The following PAX3 variants were observed in gnomAD, a reference collection of about 807,000 sequenced individuals.
PAX3 encodes paired box protein Pax-3.
Under a neutral mutation model 51.6 loss-of-function variants are expected in PAX3, and 14 were observed. The observed-to-expected ratio is 0.27, with a 90% CI of 0.18 to 0.42. The LOEUF is 0.42. PAX3 is among the 10% of genes least tolerant of loss of function. The probability of loss-of-function intolerance (pLI) is 1.00; values close to 1 mark genes in which losing one functional copy is unlikely to be tolerated. For synonymous variants in PAX3, 280 were observed against 253.4 expected (o/e 1.11, Z -1.00); for missense variants, 540 against 642.8 (o/e 0.84, Z 1.73).
chr2:222,201,447 A>G lies in PAX3; in HGVS notation c.1421-5T>C, dbSNP rs769652310. Reference sequence around the variant, plus strand: ...GCTTGAGATAATGAAAGGCACCTGTAAGGAAACACACGCAGCTTTTTAGGT... The same window carrying G: ...GCTTGAGATAATGAAAGGCACCTGTGAGGAAACACACGCAGCTTTTTAGGT... On this transcript the variant is annotated splice_polypyrimidine_tract_variant and splice_region_variant and intron_variant, in intron 8 of 8. Transcript: ENST00000392070. 1.9e-5 allele frequency: 31 copies of G among 1,614,118 alleles called. No homozygotes were observed. The South Asian group carries it at 2.9e-4, about 15-fold the overall frequency.
chr2:222,276,296 A>C (rs756717564), intron 4 of PAX3, among the ~76,000 whole-genome samples: 1 of 152,232 alleles, frequency 6.6e-6, no homozygotes, highest in Non-Finnish European at 1.5e-5. Context: ...GCGTGGAAGA[A>C]GAGCCGGTGT....
intron 4 of PAX3, among the ~76,000 whole-genome samples, chr2:222,254,009 C>T (rs1430233829): frequency 6.6e-6 from 1 of 152,172 alleles, no homozygotes; most frequent in East Asian, 1.9e-4. Flanking sequence ...TCACCAAATA[C>T]TTACGCAGTG....
At chr2:222,279,400 G>A (rs1039958239) in intron 4 of PAX3, among the ~76,000 whole-genome samples, 6 of 152,040 alleles carry the variant, frequency 3.9e-5, no homozygotes, top group Non-Finnish European at 5.9e-5. Context: ...AAAGGAGAGG[G>A]AACAGCACCC....
Position 222,298,487 on chromosome 2 carries a change from C to T in PAX3, c.85+44G>A, listed in dbSNP as rs750227123. The stretch of plus-strand genomic sequence containing the variant: ...CTGGGGATGGGGTGAGGCAGCCGGT[C>T]CCAGGCCCTGGGATCCAGGCGGCGC... On this transcript the variant is annotated intron_variant, in intron 1 of 8. Coordinates refer to ENST00000392070, the MANE Select transcript of PAX3 (RefSeq NM_181458.4). The T allele has an allele frequency of 1.4e-5, 22 of 1,519,974 alleles. No homozygotes were observed. The Admixed American group carries it at 4.0e-4, about 27-fold the overall frequency. The allele number at this position is 1,519,974 out of a possible 1,614,324, so 94.2% of individuals were successfully genotyped here.
intron 4 of PAX3, among the ~76,000 whole-genome samples, chr2:222,290,191 C>T (rs986194361): frequency 2.0e-5 from 3 of 152,164 alleles, no homozygotes; most frequent in African/African-American, 2.4e-5. Context: ...AAATAAAATA[C>T]TCCAAATACC....
chr2:222,256,938 C>T (rs2106136448), intron 4 of PAX3, among the ~76,000 whole-genome samples: 1 of 152,272 alleles, frequency 6.6e-6, no homozygotes, highest in Non-Finnish European at 1.5e-5. Context: ...GGACCCTGTA[C>T]TTGTGAGATA....
chr2:222,293,970 C>A, intron 4 of PAX3, 197 bp downstream of exon 4: 1 of 1,525,194 alleles, frequency 6.6e-7, no homozygotes, highest in South Asian at 1.3e-5. Flanking sequence ...AAAAACTAAG[C>A]AGAATAGAAA....
chr2:222,202,086 C>T lies in PAX3; in HGVS notation c.1278G>A (p.Ser426=). The part of the protein sequence containing the change: ...TGGLEPTTTV[S]ASCSQRLDHM... The stretch of plus-strand genomic sequence containing the variant: ...GGTCTAGTCTCTGACTGCAGCTGGC[C>T]GACACCGTGGTGGTAGGTTCCAGAC... The change falls in exon 8 of 9, where the codon TCG becomes TCA. Residue 426 remains serine, a synonymous_variant. Transcript: ENST00000392070. 4 of 1,613,912 alleles carry T rather than the reference C, an allele frequency of 2.5e-6. No homozygotes were observed. The highest frequency in any genetic ancestry group is 2.7e-5 in the African/African-American group (2 of 74,994).
intron 4 of PAX3, chr2:222,264,277 G>A (rs1559295366): frequency 1.3e-5 from 2 of 152,238 alleles, no homozygotes; most frequent in Non-Finnish European, 2.9e-5. Flanking sequence ...AATGCTAAGT[G>A]AAAGAAGCCA....
intron 4 of PAX3, among the ~76,000 whole-genome samples, chr2:222,266,631 ACTT>A (rs1358123067): frequency 6.6e-6 from 1 of 152,050 alleles, no homozygotes; most frequent in Non-Finnish European, 1.5e-5. Flanking sequence ...ATCTCTCTAA[ACTT>A]CTGCTTCCTT....
At chr2:222,260,227 T>C (rs988513431) in intron 4 of PAX3, among the ~76,000 whole-genome samples, 19 of 151,930 alleles carry the variant, frequency 1.3e-4, no homozygotes, top group Admixed American at 6.6e-5. Flanking sequence ...CATCACAAGA[T>C]TGAAGTGGCA....
intron 7 of PAX3, among the ~76,000 whole-genome samples, chr2:222,218,194 C>T (rs747034683): frequency 2.6e-4 from 39 of 151,968 alleles, no homozygotes; most frequent in Non-Finnish European, 4.6e-4. Context: ...TGGAATTTTC[C>T]GTTGCTTAGT....
At chr2:222,278,200 T>A (rs1463359857) in intron 4 of PAX3, among the ~76,000 whole-genome samples, 1 of 152,148 alleles carries the variant, frequency 6.6e-6, no homozygotes, top group East Asian at 1.9e-4. Flanking sequence ...CAAAGTGATT[T>A]GTTTCTAAGG....
chr2:222,298,135 C>T (rs1283107539), intron 1 of PAX3: 1 of 230,396 alleles, frequency 4.3e-6, no homozygotes, highest in Admixed American at 5.1e-5. Flanking sequence ...CCTGAACTAA[C>T]ATATGTTTCA....
rs200362915 is a variant in PAX3, at chr2:222,294,149, C to G, written c.586+18G>C. ...CAAGTCACCCAGCAAGTGCGCCGCC[C>G]AAGGCGCCACCGCTTACCTCGCTCG... On this transcript the variant is annotated intron_variant, in intron 4 of 8. Transcript: ENST00000392070. 1.2e-6 allele frequency: 2 copies of G among 1,613,954 alleles called. No homozygotes were observed. The highest frequency in any genetic ancestry group is 1.3e-5 in the African/African-American group (1 of 74,934).
chr2:222,235,677 G>C (rs1692773324), intron 4 of PAX3, among the ~76,000 whole-genome samples: 1 of 152,142 alleles, frequency 6.6e-6, no homozygotes, highest in South Asian at 2.1e-4. Context: ...TGAGTTCAGG[G>C]AGGACAGAAA....
chr2:222,260,602 T>G (rs1574708603), intron 4 of PAX3, among the ~76,000 whole-genome samples: 1 of 70,776 alleles, frequency 1.4e-5, no homozygotes, highest in African/African-American at 4.6e-5. Flanking sequence ...TTTTTTTTTT[T>G]TTTTTTTGAG....
chr2:222,202,703 T>A (rs553897604), intron 7 of PAX3, among the ~76,000 whole-genome samples: 12 of 151,840 alleles, frequency 7.9e-5, no homozygotes, highest in African/African-American at 2.2e-4. Flanking sequence ...TTTTTTTTTT[T>A]AAATAGTGTT....
chr2:222,252,290 T>C (rs2106127529), intron 4 of PAX3, among the ~76,000 whole-genome samples: 1 of 152,344 alleles, frequency 6.6e-6, no homozygotes. Context: ...TTGCCTAGTC[T>C]ATATGATAGC....
Sources: gnomAD v4.1 joint callset for allele counts (sites outside exome capture counted in the v4.1 genomes callset) on GRCh38, gnomAD v4.1.1 for gene constraint, MANE v1.5 for transcripts, NCBI Gene and HGNC (gene_info 2026-07-23, HGNC 2026-07-21) for gene names.